The following GRM7 variants were observed in gnomAD, a reference collection of about 807,000 sequenced individuals.
GRM7 encodes glutamate metabotropic receptor 7.
Under a neutral mutation model 84.5 loss-of-function variants are expected in GRM7, and 35 were observed. The ratio of observed to expected loss-of-function variants is 0.41; its 90% CI spans 0.32 to 0.55. The LOEUF (loss-of-function observed/expected upper bound fraction) is 0.55, where lower values mean the gene tolerates loss of function less well. GRM7 is among the 20% of genes least tolerant of loss of function. GRM7 has a pLI of 0.19. For synonymous variants in GRM7, 487 were observed against 455.1 expected, an observed-to-expected ratio of 1.07 and a Z score of -0.89; for missense variants, 1,003 against 1,194.6, an observed-to-expected ratio of 0.84 and a Z score of 2.36.
At chr3:7,077,017 G>T (rs1374515826) in intron 1 of GRM7, among the ~76,000 whole-genome samples, 1 of 152,046 alleles carries the variant, frequency 6.6e-6, no homozygotes, top group Non-Finnish European at 1.5e-5. Flanking sequence ...TCAAAACCAC[G>T]GTGAGATACC....
intron 7 of GRM7, among the ~76,000 whole-genome samples, chr3:7,482,498 A>G (rs1377937460): frequency 6.6e-6 from 1 of 152,188 alleles, no homozygotes; most frequent in Non-Finnish European, 1.5e-5. Context: ...AATGTGAGGT[A>G]TATTTTTTGA....
chr3:6,927,425 T>C (rs1697335563), intron 1 of GRM7, among the ~76,000 whole-genome samples: 1 of 127,980 alleles, frequency 7.8e-6, no homozygotes, highest in Non-Finnish European at 1.6e-5. Flanking sequence ...TAGACTCTTG[T>C]CAGAAAAGAA....
intron 7 of GRM7, among the ~76,000 whole-genome samples, chr3:7,529,438 G>A (rs1476196725): frequency 1.3e-5 from 2 of 152,064 alleles, no homozygotes; most frequent in Non-Finnish European, 2.9e-5. Flanking sequence ...GCATAGCAAG[G>A]AGACACTGCA....
At chr3:6,891,632 G>A (rs1436128152) in intron 1 of GRM7, among the ~76,000 whole-genome samples, 1 of 152,152 alleles carries the variant, frequency 6.6e-6, no homozygotes, top group Admixed American at 6.5e-5. Context: ...CCCTTTGTGG[G>A]TAACCCGACC....
At chr3:6,971,643 G>A (rs763115425) in intron 1 of GRM7, among the ~76,000 whole-genome samples, 2 of 152,104 alleles carry the variant, frequency 1.3e-5, no homozygotes, top group South Asian at 2.1e-4. Context: ...CCTTTATCAC[G>A]ATGAATATCA....
chr3:7,734,440 C>T (rs1352247143), intron 9 of GRM7, among the ~76,000 whole-genome samples: 1 of 152,090 alleles, frequency 6.6e-6, no homozygotes, highest in Non-Finnish European at 1.5e-5. Flanking sequence ...TTACAGATTC[C>T]CATGTCTGCT....
chr3:7,368,650 T>G (rs1255129078), intron 4 of GRM7, among the ~76,000 whole-genome samples: 1 of 152,134 alleles, frequency 6.6e-6, no homozygotes, highest in African/African-American at 2.4e-5. Context: ...TAAGCCAGAT[T>G]TAGATCAATT....
chr3:7,726,613 C>CTCTA (rs1702137733), intron 9 of GRM7, among the ~76,000 whole-genome samples: 1 of 58,098 alleles, frequency 1.7e-5, no homozygotes, highest in Non-Finnish European at 3.5e-5. Context: ...CTCTCTCCCT[C>CTCTA]TATATATATA....
chr3:7,304,072 C>T (rs1487994517), intron 3 of GRM7, among the ~76,000 whole-genome samples: 2 of 151,942 alleles, frequency 1.3e-5, no homozygotes, highest in African/African-American at 4.8e-5. Context: ...TTAATCAATG[C>T]ATCATACGTG....
chr3:7,443,796 G>A (rs1473901367), intron 5 of GRM7, among the ~76,000 whole-genome samples: 1 of 152,134 alleles, frequency 6.6e-6, no homozygotes, highest in Non-Finnish European at 1.5e-5. Flanking sequence ...TAAGAAATGA[G>A]AGTAGTTATA....
At chr3:7,335,860 A>G (rs1266099544) in intron 4 of GRM7, among the ~76,000 whole-genome samples, 1 of 152,042 alleles carries the variant, frequency 6.6e-6, no homozygotes, top group Non-Finnish European at 1.5e-5. Flanking sequence ...AATCAGAAAG[A>G]AAAAGAAACT....
intron 7 of GRM7, among the ~76,000 whole-genome samples, chr3:7,471,426 G>C (rs1321239273): frequency 6.6e-6 from 1 of 152,108 alleles, no homozygotes; most frequent in Non-Finnish European, 1.5e-5. Context: ...TTGGGACTGA[G>C]GTCCCTGTTT....
At chr3:7,435,213 G>A (rs1386963514) in intron 5 of GRM7, among the ~76,000 whole-genome samples, 2 of 151,782 alleles carry the variant, frequency 1.3e-5, no homozygotes, top group South Asian at 2.1e-4. Flanking sequence ...GCCTTGGCTG[G>A]AGTACAGTGC....
intron 5 of GRM7, among the ~76,000 whole-genome samples, chr3:7,438,880 C>T (rs137979160): frequency 6.8e-4 from 104 of 152,122 alleles, no homozygotes; most frequent in African/African-American, 2.3e-3. Flanking sequence ...AGCAAGATAT[C>T]GGGGGTGGAA....
intron 7 of GRM7, among the ~76,000 whole-genome samples, chr3:7,517,672 C>T (rs1700442580): frequency 6.6e-6 from 1 of 152,188 alleles, no homozygotes; most frequent in African/African-American, 2.4e-5. Flanking sequence ...GGATTAGAGG[C>T]ATGAGCCACC....
At chr3:6,965,013 A>T (rs1033329048) in intron 1 of GRM7, among the ~76,000 whole-genome samples, 5 of 152,148 alleles carry the variant, frequency 3.3e-5, no homozygotes, top group African/African-American at 1.2e-4. Context: ...GCCCAGATCC[A>T]TGCTTCTGAC....
intron 9 of GRM7, among the ~76,000 whole-genome samples, chr3:7,684,118 A>C (rs1041995363): frequency 6.6e-6 from 1 of 152,248 alleles, no homozygotes; most frequent in Non-Finnish European, 1.5e-5. Context: ...TGAAAAATTC[A>C]ATTAATAAAA....
At chr3:7,547,489 G>A (rs924791141) in intron 7 of GRM7, among the ~76,000 whole-genome samples, 6 of 152,004 alleles carry the variant, frequency 3.9e-5, no homozygotes, top group South Asian at 2.1e-4. Context: ...TACAGGCGTG[G>A]GCCACCGCAA....
At chr3:7,330,299 A>G (rs554372949) in intron 4 of GRM7, among the ~76,000 whole-genome samples, 85 of 152,210 alleles carry the variant, frequency 5.6e-4, no homozygotes, top group African/African-American at 1.9e-3. Flanking sequence ...GTCTGTCACA[A>G]AACCCTCCAG....
Sources: gnomAD v4.1 joint callset for allele counts (sites outside exome capture counted in the v4.1 genomes callset) on GRCh38, gnomAD v4.1.1 for gene constraint, MANE v1.5 for transcripts, NCBI Gene and HGNC (gene_info 2026-07-23, HGNC 2026-07-21) for gene names.